Variants in UBALD2 observed in about 807,000 individuals in gnomAD.
UBALD2 encodes the protein UBA-like domain-containing protein 2.
Under a neutral mutation model 15.9 loss-of-function variants are expected in UBALD2, and 8 were observed. The ratio of observed to expected loss-of-function variants is 0.50; its 90% confidence interval spans 0.29 to 0.91. The LOEUF (loss-of-function observed/expected upper bound fraction) is 0.91, where lower values mean the gene tolerates loss of function less well. Among genes scored for constraint, UBALD2 ranks in the 40% least tolerant of loss-of-function variants. UBALD2 has a pLI of 0.07. For synonymous variants in UBALD2, 113 were observed against 97.7 expected, an observed-to-expected ratio of 1.16 and a Z score of -0.93; for missense variants, 178 against 234.8, an observed-to-expected ratio of 0.76 and a Z score of 1.58.
At chr17:76,270,047 G>A in intron 2 of UBALD2, 147 bp from the exon 3 acceptor site, 1 of 761,044 alleles carries the variant, frequency 1.3e-6, no homozygotes, top group South Asian at 1.7e-5. Context: ...CTCGGGGAGA[G>A]GGCACTTTTG....
intron 2 of UBALD2, among the ~76,000 whole-genome samples, chr17:76,267,309 A>G (rs960406103): frequency 1.3e-5 from 2 of 152,150 alleles, no homozygotes; most frequent in Admixed American, 6.5e-5. Flanking sequence ...CATCCTGTTT[A>G]GTTCCTATTG....
At chr17:76,266,051 C>G in intron 2 of UBALD2, 82 bp downstream of exon 2, 1 of 1,475,276 alleles carries the variant, frequency 6.8e-7, no homozygotes, top group South Asian at 1.2e-5. Context: ...AGCGCCGCGC[C>G]GCGAATGTAA....
rs1356855267 is a variant in UBALD2 at position 76,270,684 on chromosome 17, G to A, written c.*179G>A. ...ACAGTAAACTTCCTGGGCCACGTGGGTCCTTCAGGAGTTTTTCAGGCAAGT... is the reference window on the plus strand; with the variant it reads ...ACAGTAAACTTCCTGGGCCACGTGGATCCTTCAGGAGTTTTTCAGGCAAGT... On this transcript the variant is annotated 3_prime_UTR_variant, in exon 3 of 3. Transcript: ENST00000327490. 7.7e-6 allele frequency: 4 copies of A among 522,682 alleles called. No individual in the cohort carries two copies. Among genetic ancestry groups the A allele is most frequent in the African/African-American group, 2.0e-5 (1 of 49,724 alleles). The allele number at this position is 522,682 out of a possible 1,614,324, so 32.4% of individuals were successfully genotyped here. A position where few individuals can be genotyped will look rare whatever the true frequency, so the allele number is the denominator to read the frequency against.
chr17:76,266,014 G>A, intron 2 of UBALD2, 45 bp downstream of exon 2: 1 of 1,540,826 alleles, frequency 6.5e-7, no homozygotes, highest in Non-Finnish European at 8.8e-7. Flanking sequence ...CGCTGTCAGC[G>A]CGGCGGTGAC....
In UBALD2 at chr17:76,265,500, C is replaced by T; in HGVS notation, c.-6C>T. 1.6e-6 allele frequency: 2 copies of T among 1,216,868 alleles called. No individual in the cohort carries two copies. The highest frequency in any genetic ancestry group is 1.9e-5 in the South Asian group (1 of 53,152). 75.4% of individuals were successfully genotyped at this position (1,216,868 alleles called of 1,614,324 possible). A position where few individuals can be genotyped will look rare whatever the true frequency, so the allele number is the denominator to read the frequency against. ...GGAGACGCCGGGCCCCGCGCCGCGC[C>T]GCGCCATGTCGGTGAACATGGACGA... is the stretch of plus-strand genomic sequence containing the variant. On this transcript the variant is annotated 5_prime_UTR_variant, in exon 1 of 3. Transcript: ENST00000327490.
At position 76,270,421 on chromosome 17, in the gene UBALD2, C is replaced by A; in HGVS notation, c.411C>A (p.His137Gln). ...CCCCCACCACCTTCCACCACCTCCACCGCCCACAGCCCACGTGGCCCCCAG... is the reference window on the plus strand; with the variant it reads ...CCCCCACCACCTTCCACCACCTCCAACGCCCACAGCCCACGTGGCCCCCAG... ...PSSPTTFHHL[H>Q]RPQPTWPPGA... is the part of the protein sequence containing the mutation. The change falls in exon 3 of 3, where the codon CAC becomes CAA. Residue 137 changes from histidine (H) to glutamine (Q), a missense_variant. By Grantham distance (24) the His-to-Gln change is conservative. Transcript: ENST00000327490. 2 of 1,529,388 alleles carry A rather than the reference C, an allele frequency of 1.3e-6. No individual in the cohort carries two copies. Among genetic ancestry groups the A allele is most frequent in the Non-Finnish European group, 1.8e-6 (2 of 1,140,534 alleles). 94.7% of individuals were successfully genotyped at this position (1,529,388 alleles called of 1,614,324 possible).
At chr17:76,267,981 T>TA (rs1341003869) in intron 2 of UBALD2, among the ~76,000 whole-genome samples, 1 of 152,128 alleles carries the variant, frequency 6.6e-6, no homozygotes, top group African/African-American at 2.4e-5. Context: ...TTGGACAAAG[T>TA]AAGTCAAAGG....
intron 1 of UBALD2, 93 bp from the exon 2 acceptor site, chr17:76,265,813 CG>C (rs1030036196): frequency 1.3e-6 from 2 of 1,487,852 alleles, no homozygotes; most frequent in African/African-American, 2.9e-5. Context: ...GGCCGCGGGC[CG>C]GGCGCGGAGG....
chr17:76,265,709 G>C, intron 1 of UBALD2, 84 bp downstream of exon 1: 1 of 1,250,284 alleles, frequency 8.0e-7, no homozygotes, highest in Non-Finnish European at 1.0e-6. Context: ...TCCTGTTGTC[G>C]GCCCGGAAGG....
chr17:76,267,641 A>C (rs1159285104), intron 2 of UBALD2, among the ~76,000 whole-genome samples: 1 of 150,974 alleles, frequency 6.6e-6, no homozygotes, highest in African/African-American at 2.4e-5. Context: ...GGTGTGAGCC[A>C]CTGCACCCAG....
chr17:76,266,123 CT>C (rs1344545850), intron 2 of UBALD2, among the ~76,000 whole-genome samples, 154 bp downstream of exon 2: 1 of 152,264 alleles, frequency 6.6e-6, no homozygotes, highest in Non-Finnish European at 1.5e-5. Flanking sequence ...GCGCCTCCAA[CT>C]TTGAGGCCCG....
rs1171159764 is a variant in UBALD2, at chr17:76,269,564, G to A, written c.184-630G>A. On this transcript the variant is annotated intron_variant, in intron 2 of 2. Transcript: ENST00000327490. This position sits in a 1 kb window ranked among gnomAD's most constrained non-coding sequence, Gnocchi z 4.6. The stretch of plus-strand genomic sequence containing the variant: ...TCTTCTCAACTTGCCCTCTGCTGTG[G>A]GTGCATTTTCGGGCAAGTGACTTGA... 1.3e-5 allele frequency among the ~76,000 whole-genome samples: 2 copies of A among 152,210 alleles called. No individual in the cohort carries two copies. The highest frequency in any genetic ancestry group is 4.8e-5 in the African/African-American group (2 of 41,446).
intron 2 of UBALD2, among the ~76,000 whole-genome samples, chr17:76,268,490 G>GT (rs1028224031): frequency 4.9e-5 from 7 of 141,740 alleles, no homozygotes; most frequent in African/African-American, 1.5e-4. Context: ...CCAGAGGGTG[G>GT]GGGGGGGGCA....
At position 76,265,888 on chromosome 17, in the gene UBALD2, C is replaced by T; in HGVS notation, c.121-19C>T. ...TGACTCCGCCTGGCCCGCCGTGTCA[C>T]TGCCCTGTTTGTCCGCAGACCGCGC... On this transcript the variant is annotated intron_variant, in intron 1 of 2. Transcript: ENST00000327490. The T allele has an allele frequency of 6.3e-7, 1 of 1,599,632 alleles. No individual in the cohort carries two copies. Among genetic ancestry groups the T allele is most frequent in the South Asian group, 1.1e-5 (1 of 88,984 alleles).
chr17:76,267,721 A>G (rs2070555768), intron 2 of UBALD2, among the ~76,000 whole-genome samples: 1 of 150,520 alleles, frequency 6.6e-6, no homozygotes, highest in Non-Finnish European at 1.5e-5. Context: ...GCGGAGTGCA[A>G]TGGTGTGATC....
At position 76,270,358 on chromosome 17, in the gene UBALD2, C is replaced by T; in HGVS notation, c.348C>T (p.Ser116=). The T allele has an allele frequency of 6.4e-7, 1 of 1,573,522 alleles. No homozygotes were observed. The highest frequency in any genetic ancestry group is 8.6e-7 in the Non-Finnish European group (1 of 1,163,938). ...PANFSPFWAS[S]PPSHQAPWIP... is the part of the protein sequence containing the mutation. ...ACTTCAGCCCCTTCTGGGCCTCGTC[C>T]CCGCCCAGCCACCAGGCGCCCTGGA... Residue 116 remains serine (S), a synonymous_variant, in exon 3 of 3, where the codon TCC becomes TCT. Coordinates refer to ENST00000327490, the MANE Select transcript of UBALD2 (RefSeq NM_182565.4).
chr17:76,268,799 TCTCAG>T (rs1407682460), intron 2 of UBALD2, among the ~76,000 whole-genome samples: 1 of 147,800 alleles, frequency 6.8e-6, no homozygotes, highest in African/African-American at 2.6e-5. Flanking sequence ...AGTGACGTGA[TCTCAG>T]CTCACTACAA....
chr17:76,265,696 C>A, intron 1 of UBALD2, 71 bp downstream of exon 1: 1 of 1,189,424 alleles, frequency 8.4e-7, no homozygotes. Context: ...GGGCGGGGAG[C>A]GCTCCTGTTG....
In UBALD2 at chr17:76,270,407, TTCCACCACC is replaced by T. The variant is rs1456387077; in HGVS notation, c.404_412del (p.His135_His137del). The T allele has an allele frequency of 2.2e-5, 17 of 757,854 alleles. No homozygotes were observed. The highest frequency in any genetic ancestry group is 3.3e-5 in the Non-Finnish European group (17 of 509,806). The allele number at this position is 757,854 out of a possible 1,614,324, so 46.9% of individuals were successfully genotyped here. ...GATCCCGCCCTCCTCCCCCACCACC[TTCCACCACC>T]TCCACCGCCCACAGCCCACGTGGCC... On this transcript the variant is annotated inframe_deletion, in exon 3 of 3. Transcript: ENST00000327490.
Sources: gnomAD v4.1 joint callset for allele counts (sites outside exome capture counted in the v4.1 genomes callset) on GRCh38, gnomAD v4.1.1 for gene constraint, Gnocchi (gnomAD v3.1) non-coding constraint, MANE v1.5 for transcripts, NCBI Gene and HGNC (gene_info 2026-07-23, HGNC 2026-07-21) for gene names.